FAM53B: variants seen among roughly 807,000 people sequenced by gnomAD.
The protein encoded by FAM53B is protein FAM53B.
In FAM53B, 12 loss-of-function variants were observed where a neutral mutation model predicts 32.7. The ratio of observed to expected loss-of-function variants is 0.37; its 90% CI spans 0.24 to 0.59. FAM53B has a LOEUF of 0.59. Among genes scored for constraint, FAM53B ranks in the 20% least tolerant of loss-of-function variants. The probability of loss-of-function intolerance (pLI) is 0.72; values close to 1 mark genes in which losing one functional copy is unlikely to be tolerated. For synonymous variants in FAM53B, 234 were observed against 228.7 expected, an observed-to-expected ratio of 1.02 and a Z score of -0.21; for missense variants, 477 against 577.7, an observed-to-expected ratio of 0.83 and a Z score of 1.79.
chr10:124,641,471 GA>G (rs1949472567), intron 4 of FAM53B, among the ~76,000 whole-genome samples: 1 of 152,228 alleles, frequency 6.6e-6, no homozygotes, highest in Non-Finnish European at 1.5e-5. Context: ...GTGCTTCAGA[GA>G]AAGCACAGAA....
At chr10:124,736,508 T>C (rs1242120367) in intron 1 of FAM53B, among the ~76,000 whole-genome samples, 1 of 152,230 alleles carries the variant, frequency 6.6e-6, no homozygotes. Flanking sequence ...CTTCCAAACA[T>C]GCAGAGAAGC....
At chr10:124,635,919 C>T (rs528630242) in intron 4 of FAM53B, among the ~76,000 whole-genome samples, 34 of 152,284 alleles carry the variant, frequency 2.2e-4, no homozygotes, top group African/African-American at 8.2e-4. Flanking sequence ...ATTATCTCCT[C>T]TGTTATAATA....
At chr10:124,664,600 C>A (rs568304346) in intron 4 of FAM53B, among the ~76,000 whole-genome samples, 1 of 152,344 alleles carries the variant, frequency 6.6e-6, no homozygotes, top group South Asian at 2.1e-4. Flanking sequence ...AACTCTCCGG[C>A]CCTCAGCAAG....
At chr10:124,703,341 C>A (rs1949928677) in intron 2 of FAM53B, among the ~76,000 whole-genome samples, 1 of 152,198 alleles carries the variant, frequency 6.6e-6, no homozygotes, top group African/African-American at 2.4e-5. Context: ...AGCCACCATG[C>A]CTGGCCGGTG....
chr10:124,644,491 T>C (rs1384970455), intron 4 of FAM53B, among the ~76,000 whole-genome samples: 1 of 152,142 alleles, frequency 6.6e-6, no homozygotes, highest in East Asian at 1.9e-4. Context: ...GAAATGAAGA[T>C]GTGGGTGGCA....
chr10:124,711,888 C>CA (rs1480310846), intron 1 of FAM53B, among the ~76,000 whole-genome samples: 1 of 150,046 alleles, frequency 6.7e-6, no homozygotes, highest in Non-Finnish European at 1.5e-5. Flanking sequence ...TCCATCTCTA[C>CA]AAAAAATAAA....
At position 124,694,383 on chromosome 10, in the gene FAM53B, C is replaced by T. The variant is rs375342432; in HGVS notation, c.133+1775G>A. 2.0e-5 allele frequency among the ~76,000 whole-genome samples: 3 copies of T among 152,270 alleles called. No individual in the cohort carries two copies. In the South Asian group the frequency reaches 6.2e-4, roughly 32 times the overall value. Reference sequence around the variant, plus strand: ...TGGGCCATCTGGACTTTTTCCCACACACCTCCCTTCTCCGGGGCCTCTGCC... The same window carrying T: ...TGGGCCATCTGGACTTTTTCCCACATACCTCCCTTCTCCGGGGCCTCTGCC... On this transcript the variant is annotated intron_variant, in intron 3 of 4. Transcript: ENST00000337318.
At chr10:124,712,594 C>A (rs899698814) in intron 1 of FAM53B, among the ~76,000 whole-genome samples, 1 of 152,142 alleles carries the variant, frequency 6.6e-6, no homozygotes, top group Admixed American at 6.5e-5. Flanking sequence ...TGTATTGTCA[C>A]TTCCCAGTCC....
chr10:124,671,169 T>C (rs1276804620), intron 4 of FAM53B: 1 of 454,206 alleles, frequency 2.2e-6, no homozygotes, highest in Admixed American at 2.4e-5. Flanking sequence ...GCAGGAGCAA[T>C]CTGCTCCATT....
intron 4 of FAM53B, among the ~76,000 whole-genome samples, chr10:124,628,988 C>A (rs1486456057): frequency 6.6e-6 from 1 of 152,256 alleles, no homozygotes; most frequent in Non-Finnish European, 1.5e-5. Context: ...CACGAGAATC[C>A]CCGGCTCAGG....
intron 3 of FAM53B, among the ~76,000 whole-genome samples, chr10:124,688,886 T>C (rs556363379): frequency 8.5e-5 from 13 of 152,326 alleles, no homozygotes; most frequent in Admixed American, 5.9e-4. Context: ...TTTCAAAAGA[T>C]AGAGGAGCTT....
intron 4 of FAM53B, among the ~76,000 whole-genome samples, chr10:124,660,200 G>A (rs548963202): frequency 2.0e-5 from 3 of 152,268 alleles, no homozygotes; most frequent in Non-Finnish European, 2.9e-5. Context: ...CATATGGAGC[G>A]GAAGAGCCCC....
chr10:124,708,970 C>T (rs1564884260), intron 1 of FAM53B, among the ~76,000 whole-genome samples: 2 of 151,992 alleles, frequency 1.3e-5, no homozygotes, highest in African/African-American at 4.8e-5. Context: ...CTCTGTACAA[C>T]AGGGAAAACA....
chr10:124,641,571 T>C (rs1949473589), intron 4 of FAM53B, among the ~76,000 whole-genome samples: 1 of 152,196 alleles, frequency 6.6e-6, no homozygotes, highest in African/African-American at 2.4e-5. Context: ...CTGAGGCCCA[T>C]GTTCACTAGA....
At chr10:124,664,764 C>A (rs1949658203) in intron 4 of FAM53B, among the ~76,000 whole-genome samples, 2 of 152,210 alleles carry the variant, frequency 1.3e-5, no homozygotes. Flanking sequence ...GTAGGCACTG[C>A]TTTTACCCAA....
At chr10:124,700,999 G>C (rs80236564) in intron 2 of FAM53B, among the ~76,000 whole-genome samples, 1 of 152,230 alleles carries the variant, frequency 6.6e-6, no homozygotes, top group Non-Finnish European at 1.5e-5. Context: ...TTTGTGTGAA[G>C]ACTCTCAAAG....
chr10:124,667,226 G>A, intron 4 of FAM53B: 1 of 561,782 alleles, frequency 1.8e-6, no homozygotes, highest in Non-Finnish European at 3.2e-6. Flanking sequence ...GATGACATGT[G>A]GAAATGATAG....
Position 124,733,251 on chromosome 10 carries a change from T to C in FAM53B, c.-175+10762A>G, listed in dbSNP as rs142603363. On this transcript the variant is annotated intron_variant, in intron 1 of 4. Transcript: ENST00000337318. This position sits in a 1 kb window ranked among gnomAD's most constrained non-coding sequence, Gnocchi z 4.3. ...CTCCACCTCTGCACAGGTTCAGTAT[T>C]TTTCTTAATTCTCCTCTTCTGGGCC... is the stretch of plus-strand genomic sequence containing the variant. Among the ~76,000 whole-genome samples, 86 of 152,268 alleles carry C rather than the reference T, an allele frequency of 5.6e-4. No individual in the cohort carries two copies. Among genetic ancestry groups the C allele is most frequent in the African/African-American group, 2.0e-3 (82 of 41,558 alleles).
Position 124,681,678 on chromosome 10 carries a change from C to T in FAM53B, c.835G>A (p.Gly279Ser), listed in dbSNP as rs1037843246. The T allele has an allele frequency of 5.0e-6, 8 of 1,612,550 alleles. No homozygotes were observed. The highest frequency in any genetic ancestry group is 1.7e-5 in the Admixed American group (1 of 59,848). Residue 279 changes from glycine (G) to serine (S), a missense_variant, in exon 4 of 5, where the codon GGT becomes AGT. Physicochemically the swap from Gly to Ser is moderately conservative, Grantham distance 56. Around this residue, in one of 2 missense-constraint regions of FAM53B, gnomAD observed 312 missense variants for 420.2 expected, o/e 0.74. Transcript: ENST00000337318. Reference protein sequence around the residue: ...QPCVLNDKKVGVKRRRPEEVQ... With the variant: ...QPCVLNDKKVSVKRRRPEEVQ... Reference sequence around the variant, plus strand: ...TCTTCAGGGCGCCGCCTTTTAACACCGACCTTCTTGTCGTTAAGGACACAC... The same window carrying T: ...TCTTCAGGGCGCCGCCTTTTAACACTGACCTTCTTGTCGTTAAGGACACAC...
Sources: allele counts gnomAD v4.1 joint callset (sites outside exome capture counted in the v4.1 genomes callset), GRCh38; gene constraint gnomAD v4.1.1; regional missense constraint gnomAD v4.1.1; non-coding constraint Gnocchi (gnomAD v3.1); transcripts MANE v1.5; gene names NCBI Gene and HGNC (gene_info 2026-07-23, HGNC 2026-07-21).